DNER: variants seen among roughly 807,000 people sequenced by gnomAD.
DNER encodes delta/notch like EGF repeat containing, also known as delta and Notch-like epidermal growth factor-related receptor.
Under a neutral mutation model 78.2 loss-of-function variants are expected in DNER, and 33 were observed. The observed-to-expected ratio is 0.42, with a 90% CI of 0.32 to 0.56. The LOEUF (loss-of-function observed/expected upper bound fraction) is 0.56, where lower values mean the gene tolerates loss of function less well. Ranked by LOEUF, DNER falls within the 20% of genes least tolerant of loss-of-function variation. DNER has a pLI of 0.11. For synonymous variants in DNER, 417 were observed against 384.8 expected (o/e 1.08, Z -0.98); for missense variants, 918 against 975.3 (o/e 0.94, Z 0.78).
At chr2:229,547,793 T>C (rs750858200) in intron 4 of DNER, among the ~76,000 whole-genome samples, 1 of 152,242 alleles carries the variant, frequency 6.6e-6, no homozygotes, top group Non-Finnish European at 1.5e-5. Context: ...GTATTTGTCA[T>C]TGAATGATCT....
intron 1 of DNER, among the ~76,000 whole-genome samples, chr2:229,713,316 C>A (rs1218660477): frequency 6.6e-6 from 1 of 152,230 alleles, no homozygotes; most frequent in African/African-American, 2.4e-5. Context: ...ATATTATTTT[C>A]TGCCAAATTC....
intron 8 of DNER, among the ~76,000 whole-genome samples, chr2:229,425,753 C>T (rs146477702): frequency 6.6e-6 from 1 of 152,158 alleles, no homozygotes; most frequent in East Asian, 1.9e-4. Context: ...TTTCACACTT[C>T]GTGCAACAAA....
chr2:229,436,692 A>G (rs1009536440), intron 8 of DNER, among the ~76,000 whole-genome samples: 3 of 152,204 alleles, frequency 2.0e-5, no homozygotes, highest in Non-Finnish European at 4.4e-5. Context: ...ATGTCCAGCC[A>G]ATCTAAGCTT....
intron 1 of DNER, among the ~76,000 whole-genome samples, chr2:229,611,595 G>A (rs796798755): frequency 4.6e-5 from 7 of 152,312 alleles, no homozygotes; most frequent in African/African-American, 1.4e-4. Flanking sequence ...TCGGCAAATT[G>A]ATTGAAATCA....
chr2:229,424,770 A>G (rs1693838520), intron 8 of DNER, among the ~76,000 whole-genome samples: 2 of 152,176 alleles, frequency 1.3e-5, no homozygotes, highest in South Asian at 4.1e-4. Context: ...CTTAACACCT[A>G]GAATCTGAGT....
At chr2:229,442,234 C>T (rs1390912429) in intron 8 of DNER, among the ~76,000 whole-genome samples, 6 of 152,102 alleles carry the variant, frequency 3.9e-5, no homozygotes, top group Non-Finnish European at 5.9e-5. Context: ...ATGCCTTCAT[C>T]GGCCGGGAGC....
intron 1 of DNER, among the ~76,000 whole-genome samples, chr2:229,636,725 T>C (rs1295287051): frequency 6.6e-6 from 1 of 152,154 alleles, no homozygotes; most frequent in Non-Finnish European, 1.5e-5. Flanking sequence ...TAGGCACAGC[T>C]ATAGACTACA....
chr2:229,473,993 C>T (rs943718266), intron 7 of DNER, among the ~76,000 whole-genome samples: 1 of 152,146 alleles, frequency 6.6e-6, no homozygotes, highest in Non-Finnish European at 1.5e-5. Flanking sequence ...GCAACTTCCG[C>T]CTCCTGGGTT....
At chr2:229,415,857 C>A (rs887495926) in intron 9 of DNER, among the ~76,000 whole-genome samples, 1 of 152,196 alleles carries the variant, frequency 6.6e-6, no homozygotes, top group African/African-American at 2.4e-5. Context: ...AGGGGCAGTA[C>A]AATGCCGATT....
At chr2:229,607,087 G>A (rs146883464) in intron 1 of DNER, among the ~76,000 whole-genome samples, 9 of 152,192 alleles carry the variant, frequency 5.9e-5, no homozygotes, top group African/African-American at 2.2e-4. Flanking sequence ...TCAGCACTTG[G>A]AACTGTGGAT....
At chr2:229,698,231 GAAAA>G (rs1194345745) in intron 1 of DNER, among the ~76,000 whole-genome samples, 1 of 151,628 alleles carries the variant, frequency 6.6e-6, no homozygotes, top group African/African-American at 2.4e-5. Context: ...AACAATAAAA[GAAAA>G]AAAATGTGGA....
chr2:229,597,882 G>C (rs1427773097), intron 1 of DNER, among the ~76,000 whole-genome samples: 1 of 152,190 alleles, frequency 6.6e-6, no homozygotes, highest in Non-Finnish European at 1.5e-5. Context: ...CTAACCAAGA[G>C]CAGTTCTGGG....
intron 2 of DNER, among the ~76,000 whole-genome samples, chr2:229,589,909 CAAAA>C (rs34805706): frequency 7.3e-6 from 1 of 137,420 alleles, no homozygotes. Flanking sequence ...TGTGGTAATA[CAAAA>C]AAAAAAAAAA....
chr2:229,586,585 C>A, intron 3 of DNER: 1 of 708,816 alleles, frequency 1.4e-6, no homozygotes, highest in Non-Finnish European at 1.7e-6. Context: ...TAGGATGTCA[C>A]AGAAAGCCCA....
chr2:229,560,175 G>C (rs1434365097), intron 4 of DNER, among the ~76,000 whole-genome samples: 1 of 152,222 alleles, frequency 6.6e-6, no homozygotes, highest in Non-Finnish European at 1.5e-5. Context: ...GGACTTTGTA[G>C]TTAACACCTC....
At chr2:229,409,427 G>A (rs767020780) in intron 9 of DNER, among the ~76,000 whole-genome samples, 3 of 152,180 alleles carry the variant, frequency 2.0e-5, no homozygotes, top group Non-Finnish European at 4.4e-5. Context: ...TTGTCACTGA[G>A]TTTCTAGTAA....
chr2:229,693,597 A>C (rs1699616401), intron 1 of DNER, among the ~76,000 whole-genome samples: 1 of 152,196 alleles, frequency 6.6e-6, no homozygotes. Context: ...AGGTGGTCTC[A>C]GAAGGAGATG....
Position 229,621,043 on chromosome 2 carries a change from T to C in DNER, c.277-29155A>G, listed in dbSNP as rs1017490997. On this transcript the variant is annotated intron_variant, in intron 1 of 12. Coordinates refer to ENST00000341772, the MANE Select transcript of DNER (RefSeq NM_139072.4). The stretch of plus-strand genomic sequence containing the variant: ...AAGCCACCCGGTCTGCGGTGCTTTG[T>C]TATGACGCCTTAGCTAACTCATACA... Among the ~76,000 whole-genome samples the C allele has an allele frequency of 6.6e-5, 10 of 152,236 alleles. No individual in the cohort carries two copies. In the South Asian group the frequency reaches 1.4e-3, roughly 22 times the overall value.
chr2:229,702,916 C>CAA (rs775005338), intron 1 of DNER, among the ~76,000 whole-genome samples: 2,070 of 103,402 alleles, frequency 0.02, 50 homozygotes, highest in Middle Eastern at 0.053. Context: ...GACTCCGCCT[C>CAA]AAAAAAAAAA....
Sources: allele counts gnomAD v4.1 joint callset (sites outside exome capture counted in the v4.1 genomes callset), GRCh38; gene constraint gnomAD v4.1.1; transcripts MANE v1.5; gene names NCBI Gene and HGNC (gene_info 2026-07-23, HGNC 2026-07-21).